Variants in ITGA9 observed in about 807,000 individuals in gnomAD.
The protein encoded by ITGA9 is integrin subunit alpha 9.
ITGA9 carries 56 observed loss-of-function variants against 127.8 expected under a neutral mutation model. The observed-to-expected ratio is 0.44, with a 90% confidence interval of 0.35 to 0.55. The LOEUF (loss-of-function observed/expected upper bound fraction) is 0.55, where lower values mean the gene tolerates loss of function less well. Among genes scored for constraint, ITGA9 ranks in the 20% least tolerant of loss-of-function variants. The probability of loss-of-function intolerance (pLI) is 0.00; values close to 1 mark genes in which losing one functional copy is unlikely to be tolerated. For missense variants in ITGA9, 1,196 were observed against 1,347.1 expected (o/e 0.89, Z 1.76); for synonymous variants, 508 against 514.5 (o/e 0.99, Z 0.17).
At chr3:37,640,586 C>T (rs1397821408) in intron 16 of ITGA9, among the ~76,000 whole-genome samples, 1 of 152,178 alleles carries the variant, frequency 6.6e-6, no homozygotes, top group Non-Finnish European at 1.5e-5. Context: ...GACAACCCAC[C>T]GACCTCTGAC....
chr3:37,561,328 C>A (rs1699485711), intron 15 of ITGA9, among the ~76,000 whole-genome samples: 1 of 152,102 alleles, frequency 6.6e-6, no homozygotes. Flanking sequence ...ATTAGGCACA[C>A]GTGGGTAGTG....
intron 18 of ITGA9, among the ~76,000 whole-genome samples, chr3:37,724,083 C>T (rs971203957): frequency 6.6e-6 from 1 of 152,200 alleles, no homozygotes; most frequent in Non-Finnish European, 1.5e-5. Flanking sequence ...GCTTCAGAGC[C>T]TGTGTAGCTG....
At chr3:37,606,439 A>G (rs1431515866) in intron 15 of ITGA9, among the ~76,000 whole-genome samples, 1 of 152,180 alleles carries the variant, frequency 6.6e-6, no homozygotes, top group East Asian at 1.9e-4. Flanking sequence ...AATATATTGA[A>G]TTATGAGTCA....
At chr3:37,516,939 T>G (rs1327758995) in intron 9 of ITGA9, among the ~76,000 whole-genome samples, 1 of 152,160 alleles carries the variant, frequency 6.6e-6, no homozygotes. Flanking sequence ...ACCTGAGCCA[T>G]GCATGAATAA....
intron 18 of ITGA9, among the ~76,000 whole-genome samples, chr3:37,687,691 A>G (rs1700794661): frequency 6.6e-6 from 1 of 152,240 alleles, no homozygotes; most frequent in African/African-American, 2.4e-5. Context: ...AGTATATTCC[A>G]TTGTGAATTT....
Position 37,481,593 on chromosome 3 carries a change from T to A in ITGA9, c.530T>A (p.Ile177Asn), listed in dbSNP as rs1392243695. 4 of 1,614,162 alleles carry A rather than the reference T, an allele frequency of 2.5e-6. No homozygotes were observed. In the Admixed American group the frequency reaches 5.0e-5, roughly 20 times the overall value. ...SNLQAKGRTL[I>N]PCYEEYKKKY... ...CTCCAGGCCAAAGGCAGGACGCTGA[T>A]CCCTTGCTATGAAGGTGAGCATGGA... The change falls in exon 4 of 28, where the codon ATC becomes AAC. Residue 177 changes from isoleucine to asparagine, a missense_variant. Coordinates refer to ENST00000264741, the MANE Select transcript of ITGA9 (RefSeq NM_002207.3).
chr3:37,716,695 A>G (rs1481552178), intron 18 of ITGA9, among the ~76,000 whole-genome samples: 1 of 150,890 alleles, frequency 6.6e-6, no homozygotes, highest in Non-Finnish European at 1.5e-5. Context: ...AAATGACTCT[A>G]TTGAGATTGA....
intron 14 of ITGA9, among the ~76,000 whole-genome samples, chr3:37,538,576 C>A (rs1043316101): frequency 2.0e-5 from 3 of 152,242 alleles, no homozygotes; most frequent in Admixed American, 1.3e-4. Flanking sequence ...CTGTGGGCAA[C>A]TTGGACAGCC....
intron 9 of ITGA9, 68 bp downstream of exon 9, chr3:37,513,968 C>G: frequency 6.3e-7 from 1 of 1,594,954 alleles, no homozygotes; most frequent in Non-Finnish European, 8.6e-7. Context: ...CAGCAGTGGC[C>G]GAGCACCCCT....
intron 15 of ITGA9, among the ~76,000 whole-genome samples, chr3:37,628,015 C>A (rs995917976): frequency 6.6e-6 from 1 of 152,138 alleles, no homozygotes; most frequent in Non-Finnish European, 1.5e-5. Flanking sequence ...CCTTTAGAAC[C>A]TCTACTTCTT....
chr3:37,534,808 G>A (rs1240130461), intron 14 of ITGA9, among the ~76,000 whole-genome samples: 2 of 152,172 alleles, frequency 1.3e-5, no homozygotes. Flanking sequence ...AGATCACACA[G>A]ATATTGTTGA....
chr3:37,617,420 T>C (rs982896335), intron 15 of ITGA9, among the ~76,000 whole-genome samples: 3 of 152,182 alleles, frequency 2.0e-5, no homozygotes, highest in African/African-American at 7.2e-5. Flanking sequence ...TCAGCTTTGG[T>C]GAATCTGACA....
intron 5 of ITGA9, among the ~76,000 whole-genome samples, chr3:37,497,429 C>G (rs759194013): frequency 6.6e-6 from 1 of 151,854 alleles, no homozygotes; most frequent in Non-Finnish European, 1.5e-5. Context: ...GGAGAGTGCC[C>G]GGGATCTACA....
intron 17 of ITGA9, among the ~76,000 whole-genome samples, chr3:37,655,757 A>T (rs1339839113): frequency 1.3e-5 from 2 of 152,174 alleles, no homozygotes; most frequent in Non-Finnish European, 2.9e-5. Flanking sequence ...TTTAGTCATG[A>T]AGTCTTTGCC....
intron 15 of ITGA9, among the ~76,000 whole-genome samples, chr3:37,558,042 G>A (rs571114861): frequency 6.6e-6 from 1 of 152,280 alleles, no homozygotes; most frequent in East Asian, 1.9e-4. Context: ...GGGTGGATTG[G>A]TGCTAGGTTT....
rs532928989 is a variant in ITGA9, at chr3:37,557,841, G to C, written c.1689+15256G>C. Among the ~76,000 whole-genome samples the C allele has an allele frequency of 2.7e-3, 410 of 152,234 alleles. 2 individuals carry two copies. The highest frequency in any genetic ancestry group is 7.9e-3 in the African/African-American group (330 of 41,538). ...AAATAAAATCTCATTTTACCATTGA[G>C]GGATCTGAGATTTAGAGCATTTAAT... On this transcript the variant is annotated intron_variant, in intron 15 of 27. Transcript: ENST00000264741.
intron 19 of ITGA9, among the ~76,000 whole-genome samples, chr3:37,734,614 C>G (rs1216508494): frequency 6.6e-6 from 1 of 152,154 alleles, no homozygotes. Context: ...CTCAGCCTCC[C>G]TGGTAGCTGG....
At chr3:37,598,516 G>T (rs1687192698) in intron 15 of ITGA9, among the ~76,000 whole-genome samples, 1 of 152,202 alleles carries the variant, frequency 6.6e-6, no homozygotes, top group South Asian at 2.1e-4. Flanking sequence ...GGAGACAGTA[G>T]TGATTAATCA....
chr3:37,457,463 T>G (rs968362152), intron 1 of ITGA9, among the ~76,000 whole-genome samples: 1 of 152,190 alleles, frequency 6.6e-6, no homozygotes, highest in African/African-American at 2.4e-5. Context: ...CCTGCCCGTC[T>G]TGCTGAGGAA....
Sources: allele counts gnomAD v4.1 joint callset (sites outside exome capture counted in the v4.1 genomes callset), GRCh38; gene constraint gnomAD v4.1.1; transcripts MANE v1.5; gene names NCBI Gene and HGNC (gene_info 2026-07-23, HGNC 2026-07-21).